Variants in TNFSF4 observed in about 807,000 individuals in gnomAD.
The protein encoded by TNFSF4 is tumor necrosis factor ligand superfamily member 4.
TNFSF4 carries 4 observed loss-of-function variants against 7.3 expected under a neutral mutation model. The ratio of observed to expected loss-of-function variants is 0.55; its 90% CI spans 0.27 to 1.25. The LOEUF is 1.25. Ranked by LOEUF, TNFSF4 falls within the 50% of genes most tolerant of loss-of-function variation. TNFSF4 has a pLI of 0.12. For synonymous variants in TNFSF4, 76 were observed against 83.7 expected, an observed-to-expected ratio of 0.91 and a Z score of 0.50; for missense variants, 181 against 208.8, an observed-to-expected ratio of 0.87 and a Z score of 0.82.
the TNFSF4 span, among the ~76,000 whole-genome samples, chr1:173,227,305 ATTG>A: frequency 5.9e-5 from 9 of 152,118 alleles, no homozygotes; most frequent in African/African-American, 2.2e-4. Flanking sequence ...CATTATAATT[ATTG>A]TTATTTTATA....
At chr1:173,286,909 A>G in the TNFSF4 span, among the ~76,000 whole-genome samples, 1 of 152,178 alleles carries the variant, frequency 6.6e-6, no homozygotes, top group African/African-American at 2.4e-5. Context: ...AGAGAAAAAA[A>G]TCCAATGGAC....
chr1:173,425,867 T>C, the TNFSF4 span, among the ~76,000 whole-genome samples: 1 of 152,228 alleles, frequency 6.6e-6, no homozygotes, highest in Non-Finnish European at 1.5e-5. Flanking sequence ...TTTTCACACA[T>C]TCTGGCCTCA....
rs762730113 is a variant in TNFSF4, at chr1:173,186,649, A to G, written c.419T>C (p.Val140Ala). ...KKVRSVNSLM[V>A]ASLTYKDKVY... ...TTTGTCTTTGTAAGTCAGAGAGGCC[A>G]CCATCAAGGAGTTGACAGACCTGAC... Residue 140 changes from valine (V) to alanine (A), a missense_variant, in exon 3 of 3, where the codon GTG (valine) becomes GCG (alanine). Val to Ala is a moderately conservative substitution (Grantham distance 64). Transcript: ENST00000281834. 1.2e-6 allele frequency: 2 copies of G among 1,614,208 alleles called. No homozygotes were observed. Among genetic ancestry groups the G allele is most frequent in the Non-Finnish European group, 1.7e-6 (2 of 1,180,014 alleles).
At chr1:173,377,912 C>T in the TNFSF4 span, among the ~76,000 whole-genome samples, 1 of 152,192 alleles carries the variant, frequency 6.6e-6, no homozygotes, top group East Asian at 1.9e-4. Context: ...CGGCCCTCCA[C>T]TTAATTTTGG....
Position 173,202,315 on chromosome 1 carries a change from C to T in TNFSF4, c.153+4709G>A, listed in dbSNP as rs150731921. On this transcript the variant is annotated intron_variant, in intron 1 of 2. Coordinates refer to ENST00000281834, the MANE Select transcript of TNFSF4 (RefSeq NM_003326.5). ...ACGTGCAATATTTTCCAGCATCATC[C>T]CCATCCAAATTATTCTGTCCTATTT... 1.3e-3 allele frequency among the ~76,000 whole-genome samples: 203 copies of T among 152,220 alleles called. No individual in the cohort carries two copies. In the East Asian group the frequency reaches 0.015, roughly 11 times the overall value.
intron 1 of TNFSF4, among the ~76,000 whole-genome samples, chr1:173,194,580 C>T (rs898513877): frequency 1.3e-5 from 2 of 151,982 alleles, no homozygotes; most frequent in Non-Finnish European, 2.9e-5. Context: ...TGAGGCCATC[C>T]TTTGTGCATT....
the TNFSF4 span, among the ~76,000 whole-genome samples, chr1:173,370,017 C>G: frequency 6.6e-6 from 1 of 152,022 alleles, no homozygotes; most frequent in Non-Finnish European, 1.5e-5. Flanking sequence ...TCCAAGGGAC[C>G]ACAGAAAACC....
chr1:173,308,317 G>GTGTGTC, the TNFSF4 span, among the ~76,000 whole-genome samples: 4 of 151,090 alleles, frequency 2.6e-5, no homozygotes, highest in African/African-American at 9.7e-5. Context: ...GTGTGTCTGT[G>GTGTGTC]TGTGTGTGTG....
intron 1 of TNFSF4, among the ~76,000 whole-genome samples, chr1:173,205,999 G>T (rs1447412893): frequency 1.3e-5 from 2 of 152,160 alleles, no homozygotes; most frequent in African/African-American, 4.8e-5. Context: ...CCTATTTCCT[G>T]TAGGCAGAAA....
chr1:173,188,026 C>T (rs1381845937), intron 2 of TNFSF4, among the ~76,000 whole-genome samples: 5 of 152,156 alleles, frequency 3.3e-5, no homozygotes, highest in Non-Finnish European at 5.9e-5. Flanking sequence ...AATGAATATT[C>T]GTGTGGAAAC....
chr1:173,324,021 G>T, the TNFSF4 span, among the ~76,000 whole-genome samples: 1 of 152,254 alleles, frequency 6.6e-6, no homozygotes, highest in East Asian at 1.9e-4. Flanking sequence ...ACGCCACAAA[G>T]ATACTCCTCG....
chr1:173,294,779 A>G, the TNFSF4 span, among the ~76,000 whole-genome samples: 1 of 152,004 alleles, frequency 6.6e-6, no homozygotes, highest in Non-Finnish European at 1.5e-5. Flanking sequence ...CAATCCACAA[A>G]TGTGGAACCT....
chr1:173,442,726 T>C, the TNFSF4 span, among the ~76,000 whole-genome samples: 1 of 151,920 alleles, frequency 6.6e-6, no homozygotes, highest in South Asian at 2.1e-4. Flanking sequence ...AATTTTTGTA[T>C]TTTTAGTACA....
chr1:173,232,022 G>A, the TNFSF4 span, among the ~76,000 whole-genome samples: 1 of 152,170 alleles, frequency 6.6e-6, no homozygotes, highest in East Asian at 1.9e-4. Flanking sequence ...TTGGTAGCTT[G>A]ATGGGGATGG....
At chr1:173,174,978 A>C in the TNFSF4 span, 1 of 152,232 alleles carries the variant, frequency 6.6e-6, no homozygotes, top group Non-Finnish European at 1.5e-5. Flanking sequence ...ACAGACTTTC[A>C]TCTTTCTTTA....
chr1:173,256,370 T>G, the TNFSF4 span, among the ~76,000 whole-genome samples: 1 of 152,164 alleles, frequency 6.6e-6, no homozygotes, highest in Non-Finnish European at 1.5e-5. Flanking sequence ...GATGGCCACC[T>G]TCTCGCTGTG....
In TNFSF4 at chr1:173,184,326, AG is replaced by A. The variant is rs1407608036; in HGVS notation, c.*2189del. The stretch of plus-strand genomic sequence containing the variant: ...ATCGAAGGGTTAATTCTCCCTGTGA[AG>A]GACATGACTTACAGGGACTGAGACA... On this transcript the variant is annotated 3_prime_UTR_variant, in exon 3 of 3. Coordinates refer to ENST00000281834, the MANE Select transcript of TNFSF4 (RefSeq NM_003326.5). 1.3e-5 allele frequency: 2 copies of A among 152,226 alleles called. No individual in the cohort carries two copies. The highest frequency in any genetic ancestry group is 2.9e-5 in the Non-Finnish European group (2 of 68,046). The allele number at this position is 152,226 out of a possible 1,614,324, so 9.4% of individuals were successfully genotyped here.
chr1:173,307,300 T>C, the TNFSF4 span, among the ~76,000 whole-genome samples: 1 of 151,870 alleles, frequency 6.6e-6, no homozygotes, highest in African/African-American at 2.4e-5. Flanking sequence ...TAATGTACTA[T>C]ACTAGCCAAG....
At chr1:173,328,686 A>G in the TNFSF4 span, among the ~76,000 whole-genome samples, 1 of 152,038 alleles carries the variant, frequency 6.6e-6, no homozygotes, top group African/African-American at 2.4e-5. Context: ...GTAAAATTTT[A>G]AAAAAATAAA....
Sources: allele counts gnomAD v4.1 joint callset (sites outside exome capture counted in the v4.1 genomes callset), GRCh38; gene constraint gnomAD v4.1.1; transcripts MANE v1.5; gene names NCBI Gene and HGNC (gene_info 2026-07-23, HGNC 2026-07-21).